LRMDA: variants seen among roughly 807,000 people sequenced by gnomAD.
LRMDA encodes leucine rich melanocyte differentiation associated.
A neutral mutation model predicts 29.8 loss-of-function variants in LRMDA; 18 were observed. The ratio of observed to expected loss-of-function variants is 0.60; its 90% confidence interval spans 0.42 to 0.90. LRMDA has a LOEUF of 0.90. Among genes scored for constraint, LRMDA ranks in the 40% least tolerant of loss-of-function variants. LRMDA has a pLI of 0.00. For missense variants in LRMDA, 273 were observed against 273.9 expected, an observed-to-expected ratio of 1.00 and a Z score of 0.02; for synonymous variants, 125 against 109.4, an observed-to-expected ratio of 1.14 and a Z score of -0.89.
At chr10:75,576,348 C>CA (rs1437194625) in intron 2 of LRMDA, among the ~76,000 whole-genome samples, 1 of 152,094 alleles carries the variant, frequency 6.6e-6, no homozygotes, top group African/African-American at 2.4e-5. Context: ...GGGCATCTCT[C>CA]AAAAAAAGGC....
chr10:75,985,073 G>T (rs1847240119), intron 2 of LRMDA, among the ~76,000 whole-genome samples: 2 of 152,144 alleles, frequency 1.3e-5, no homozygotes. Context: ...TCTTTTGTGA[G>T]AAATGGCTTG....
At position 76,350,214 on chromosome 10, in the gene LRMDA, G is replaced by A. The variant is rs574161856; in HGVS notation, c.601+25729G>A. Among the ~76,000 whole-genome samples, 9 of 151,742 alleles carry A rather than the reference G, an allele frequency of 5.9e-5. No homozygotes were observed. In the South Asian group the frequency reaches 6.2e-4, roughly 11 times the overall value. On this transcript the variant is annotated intron_variant, in intron 6 of 6. Transcript: ENST00000611255. ...TTCTGACCTGATAGGAACGACCAAT[G>A]GGATTTATTTATTTCTAAGCTTGGT...
intron 2 of LRMDA, among the ~76,000 whole-genome samples, chr10:75,877,846 A>T (rs1037603069): frequency 6.6e-6 from 1 of 151,854 alleles, no homozygotes; most frequent in East Asian, 1.9e-4. Context: ...CTGTTTTCTC[A>T]CTCTATCCTT....
At chr10:76,092,359 T>G (rs1422419741) in intron 5 of LRMDA, among the ~76,000 whole-genome samples, 1 of 152,166 alleles carries the variant, frequency 6.6e-6, no homozygotes, top group Non-Finnish European at 1.5e-5. Context: ...CAAATGTAAA[T>G]TGAGGGCTGC....
At chr10:75,598,142 A>C (rs1204815748) in intron 2 of LRMDA, among the ~76,000 whole-genome samples, 1 of 152,198 alleles carries the variant, frequency 6.6e-6, no homozygotes, top group Non-Finnish European at 1.5e-5. Context: ...ATGGCAGCAA[A>C]TCATGCAGAA....
At chr10:76,422,873 T>C (rs1842084553) in intron 6 of LRMDA, among the ~76,000 whole-genome samples, 1 of 152,212 alleles carries the variant, frequency 6.6e-6, no homozygotes, top group South Asian at 2.1e-4. Flanking sequence ...TCCAATGGAT[T>C]TATAGCAATT....
chr10:76,072,474 C>G (rs1848890772), intron 5 of LRMDA, among the ~76,000 whole-genome samples: 1 of 152,060 alleles, frequency 6.6e-6, no homozygotes, highest in Admixed American at 6.6e-5. Flanking sequence ...TTAAAAACAG[C>G]CTTTAATTAA....
intron 3 of LRMDA, among the ~76,000 whole-genome samples, chr10:76,039,173 A>G (rs1848301611): frequency 6.6e-6 from 1 of 152,266 alleles, no homozygotes; most frequent in Non-Finnish European, 1.5e-5. Context: ...TAGAACAAAT[A>G]TGGGAAGGGA....
intron 2 of LRMDA, among the ~76,000 whole-genome samples, chr10:75,772,834 C>T (rs1055218912): frequency 9.0e-6 from 1 of 111,524 alleles, no homozygotes; most frequent in Admixed American, 1.5e-4. Context: ...CCCTGCCCCT[C>T]AGGGCACTAT....
intron 2 of LRMDA, among the ~76,000 whole-genome samples, chr10:75,652,446 C>T (rs1192787502): frequency 6.6e-6 from 1 of 152,224 alleles, no homozygotes; most frequent in Non-Finnish European, 1.5e-5. Flanking sequence ...TAGTTGGGAA[C>T]TAGCTGTTTT....
At chr10:76,412,058 T>C (rs770125924) in intron 6 of LRMDA, among the ~76,000 whole-genome samples, 4 of 152,364 alleles carry the variant, frequency 2.6e-5, no homozygotes, top group Non-Finnish European at 4.4e-5. Context: ...GAGACCAAAT[T>C]ACCCTTTGAA....
At chr10:76,293,825 ACT>A (rs1170603059) in intron 5 of LRMDA, among the ~76,000 whole-genome samples, 1 of 152,194 alleles carries the variant, frequency 6.6e-6, no homozygotes, top group African/African-American at 2.4e-5. Context: ...CTGAGAAATA[ACT>A]CAAGACCCTT....
Position 75,679,556 on chromosome 10 carries a change from C to A in LRMDA, c.131+241062C>A, listed in dbSNP as rs188236909. 4.6e-5 allele frequency among the ~76,000 whole-genome samples: 7 copies of A among 152,296 alleles called. No homozygotes were observed. The East Asian group carries it at 1.3e-3, about 29-fold the overall frequency. On this transcript the variant is annotated intron_variant, in intron 2 of 6. Transcript: ENST00000611255. Reference sequence around the variant, plus strand: ...TATTATTCTGGGGCTGGCCATGCATCTCTCTTGGGGTATTTGTGAGGATTA... The same window carrying A: ...TATTATTCTGGGGCTGGCCATGCATATCTCTTGGGGTATTTGTGAGGATTA...
chr10:75,608,466 A>G (rs560583173), intron 2 of LRMDA, among the ~76,000 whole-genome samples: 1 of 152,270 alleles, frequency 6.6e-6, no homozygotes, highest in Admixed American at 6.5e-5. Flanking sequence ...GAATTTGCTA[A>G]GAGAGTAGAT....
At chr10:75,734,535 A>G (rs1842737727) in intron 2 of LRMDA, among the ~76,000 whole-genome samples, 1 of 152,200 alleles carries the variant, frequency 6.6e-6, no homozygotes, top group Non-Finnish European at 1.5e-5. Context: ...TCTTAATTAT[A>G]TCAATATATA....
intron 2 of LRMDA, among the ~76,000 whole-genome samples, chr10:75,864,981 T>A (rs915050562): frequency 6.6e-6 from 1 of 152,214 alleles, no homozygotes; most frequent in Non-Finnish European, 1.5e-5. Flanking sequence ...TCTTCAATTT[T>A]TTCTTCCTTG....
intron 6 of LRMDA, among the ~76,000 whole-genome samples, chr10:76,339,594 A>C (rs1395511046): frequency 2.6e-5 from 4 of 152,080 alleles, no homozygotes; most frequent in Non-Finnish European, 5.9e-5. Flanking sequence ...AATGTACAAT[A>C]TACTTTATCA....
intron 6 of LRMDA, among the ~76,000 whole-genome samples, chr10:76,512,334 C>A (rs1303440181): frequency 6.6e-6 from 1 of 152,056 alleles, no homozygotes; most frequent in Non-Finnish European, 1.5e-5. Context: ...TTCAAAACTT[C>A]AAAAACAGTT....
intron 2 of LRMDA, among the ~76,000 whole-genome samples, chr10:76,022,928 T>C (rs1847999378): frequency 6.6e-6 from 1 of 152,168 alleles, no homozygotes; most frequent in African/African-American, 2.4e-5. Flanking sequence ...TGATGACTTA[T>C]AGAGGTAATA....
Sources: gnomAD v4.1 joint callset for allele counts (sites outside exome capture counted in the v4.1 genomes callset) on GRCh38, gnomAD v4.1.1 for gene constraint, MANE v1.5 for transcripts, NCBI Gene and HGNC (gene_info 2026-07-23, HGNC 2026-07-21) for gene names.